Variants in DSCAM observed in about 807,000 individuals in gnomAD.
DSCAM encodes cell adhesion molecule DSCAM.
Under a neutral mutation model 217.7 loss-of-function variants are expected in DSCAM, and 47 were observed. The observed-to-expected ratio is 0.22, with a 90% CI of 0.17 to 0.28. The LOEUF (loss-of-function observed/expected upper bound fraction) is 0.28. Among genes scored for constraint, DSCAM ranks in the 10% least tolerant of loss-of-function variants. DSCAM has a pLI of 1.00. For missense variants in DSCAM, 2,080 were observed against 2,618.3 expected, an observed-to-expected ratio of 0.79 and a Z score of 4.49; for synonymous variants, 1,056 against 1,015.3, an observed-to-expected ratio of 1.04 and a Z score of -0.76.
At chr21:40,112,890 C>T (rs572015810) in intron 20 of DSCAM, among the ~76,000 whole-genome samples, 2 of 152,080 alleles carry the variant, frequency 1.3e-5, no homozygotes, top group African/African-American at 4.8e-5. Context: ...TCTGAATAGA[C>T]CAATAAGAGG....
chr21:40,037,747 C>T (rs1213105852), intron 32 of DSCAM, among the ~76,000 whole-genome samples: 15 of 145,492 alleles, frequency 1.0e-4, no homozygotes, highest in Non-Finnish European at 2.0e-4. Context: ...GGAGGCATCA[C>T]ACTACCTGAC....
intron 3 of DSCAM, among the ~76,000 whole-genome samples, chr21:40,638,587 T>TA (rs1341551012): frequency 8.5e-5 from 13 of 152,300 alleles, no homozygotes; most frequent in African/African-American, 2.9e-4. Flanking sequence ...TCAGATCGTT[T>TA]CCTCTGCTCT....
At chr21:40,300,104 A>G (rs1390647946) in intron 9 of DSCAM, among the ~76,000 whole-genome samples, 3 of 152,026 alleles carry the variant, frequency 2.0e-5, no homozygotes, top group African/African-American at 7.2e-5. Flanking sequence ...TGTTGTCTTC[A>G]ATCTTCTCCA....
At chr21:40,155,076 C>T (rs1028709293) in intron 16 of DSCAM, among the ~76,000 whole-genome samples, 3 of 152,254 alleles carry the variant, frequency 2.0e-5, no homozygotes, top group African/African-American at 7.2e-5. Context: ...ATCCAGCCAA[C>T]AAACACCTGT....
intron 3 of DSCAM, among the ~76,000 whole-genome samples, chr21:40,412,893 C>T (rs777614863): frequency 3.9e-5 from 6 of 152,210 alleles, no homozygotes; most frequent in Non-Finnish European, 8.8e-5. Flanking sequence ...GGGCCAAGCC[C>T]AAGGTCTCTG....
intron 3 of DSCAM, among the ~76,000 whole-genome samples, chr21:40,548,129 G>A (rs1210329790): frequency 2.6e-5 from 4 of 152,142 alleles, no homozygotes; most frequent in Non-Finnish European, 5.9e-5. Context: ...ATGCAGATGA[G>A]TTCATAACAG....
At chr21:40,670,536 C>CAAAAAAAA (rs56321584) in intron 3 of DSCAM, among the ~76,000 whole-genome samples, 2 of 136,112 alleles carry the variant, frequency 1.5e-5, no homozygotes. Flanking sequence ...GACTCCGTCT[C>CAAAAAAAA]AAAAAAAAAA....
intron 1 of DSCAM, among the ~76,000 whole-genome samples, chr21:40,736,322 T>G (rs2091062967): frequency 6.6e-6 from 1 of 152,124 alleles, no homozygotes. Flanking sequence ...ATTGATGACA[T>G]CATTGGCCAT....
At chr21:40,842,822 G>C (rs182182385) in intron 1 of DSCAM, among the ~76,000 whole-genome samples, 34 of 152,226 alleles carry the variant, frequency 2.2e-4, no homozygotes, top group African/African-American at 7.7e-4. Context: ...GCAAACCGTG[G>C]TCACACCAAA....
intron 3 of DSCAM, among the ~76,000 whole-genome samples, chr21:40,629,879 A>C (rs2089664390): frequency 1.3e-5 from 2 of 152,220 alleles, no homozygotes; most frequent in South Asian, 4.1e-4. Context: ...ATAGAACCTG[A>C]CATATACATA....
At chr21:40,618,160 G>T (rs1212539055) in intron 3 of DSCAM, among the ~76,000 whole-genome samples, 1 of 150,974 alleles carries the variant, frequency 6.6e-6, no homozygotes, top group Non-Finnish European at 1.5e-5. Context: ...TCTCTGATAA[G>T]AAGAAAATTG....
intron 3 of DSCAM, among the ~76,000 whole-genome samples, chr21:40,679,489 C>T (rs1341171612): frequency 2.6e-5 from 4 of 152,086 alleles, no homozygotes; most frequent in South Asian, 2.1e-4. Flanking sequence ...AAAGTGGGGC[C>T]GACAAAAGCA....
At chr21:40,037,975 T>C (rs902544781) in intron 32 of DSCAM, among the ~76,000 whole-genome samples, 7 of 146,082 alleles carry the variant, frequency 4.8e-5, no homozygotes, top group African/African-American at 1.5e-4. Flanking sequence ...TGTAGAAAGC[T>C]GAAACTGGAT....
chr21:40,062,381 G>A (rs922863103), intron 28 of DSCAM, among the ~76,000 whole-genome samples: 1 of 152,234 alleles, frequency 6.6e-6, no homozygotes, highest in South Asian at 2.1e-4. Context: ...TCCAGGACCA[G>A]AATAGACAGT....
intron 1 of DSCAM, among the ~76,000 whole-genome samples, chr21:40,745,295 T>C (rs760568082): frequency 6.6e-6 from 1 of 152,126 alleles, no homozygotes; most frequent in Non-Finnish European, 1.5e-5. Flanking sequence ...AGTATCCAAG[T>C]ATAAAAAGCT....
At chr21:40,182,670 AGG>A (rs146687835) in intron 14 of DSCAM, among the ~76,000 whole-genome samples, 2 of 17,040 alleles carry the variant, frequency 1.2e-4, no homozygotes, top group African/African-American at 4.8e-4. Flanking sequence ...AACCGTGGAC[AGG>A]GGGGGGTTAC....
intron 3 of DSCAM, among the ~76,000 whole-genome samples, chr21:40,419,032 G>A (rs2123813906): frequency 6.6e-6 from 1 of 152,188 alleles, no homozygotes; most frequent in South Asian, 2.1e-4. Flanking sequence ...GTGCAGTGGT[G>A]CGATCTCGGC....
intron 11 of DSCAM, among the ~76,000 whole-genome samples, chr21:40,214,936 T>C (rs770155302): frequency 5.5e-5 from 8 of 144,754 alleles, no homozygotes; most frequent in Non-Finnish European, 7.6e-5. Context: ...AATTCACAAC[T>C]GTAAAGATAT....
intron 3 of DSCAM, chr21:40,382,950 A>G (rs1389449410): frequency 6.6e-6 from 1 of 152,292 alleles, no homozygotes; most frequent in Non-Finnish European, 1.5e-5. Flanking sequence ...GAAACATACC[A>G]TAAAGTAAAA....
Sources: gnomAD v4.1 joint callset for allele counts (sites outside exome capture counted in the v4.1 genomes callset) on GRCh38, gnomAD v4.1.1 for gene constraint, MANE v1.5 for transcripts, NCBI Gene and HGNC (gene_info 2026-07-23, HGNC 2026-07-21) for gene names.